Variants in PUS7 observed in about 807,000 individuals in gnomAD.
The protein encoded by PUS7 is pseudouridine synthase 7.
In PUS7, 48 loss-of-function variants were observed where a neutral mutation model predicts 79.8. The ratio of observed to expected loss-of-function variants is 0.60; its 90% confidence interval spans 0.48 to 0.76. The LOEUF is 0.76. PUS7 is among the 30% of genes least tolerant of loss of function. The probability of loss-of-function intolerance (pLI) is 0.00; values close to 1 mark genes in which losing one functional copy is unlikely to be tolerated. For synonymous variants in PUS7, 286 were observed against 272.2 expected, an observed-to-expected ratio of 1.05 and a Z score of -0.50; for missense variants, 729 against 797.6, an observed-to-expected ratio of 0.91 and a Z score of 1.04.
At position 105,457,580 on chromosome 7, in the gene PUS7, A is replaced by C. The variant is rs1288851536; in HGVS notation, c.*210T>G. The C allele has an allele frequency of 1.0e-5, 4 of 390,106 alleles. No homozygotes were observed. Among genetic ancestry groups the C allele is most frequent in the Non-Finnish European group, 1.8e-5 (4 of 223,176 alleles). The allele number at this position is 390,106 out of a possible 1,614,324, so 24.2% of individuals were successfully genotyped here. On this transcript the variant is annotated 3_prime_UTR_variant, in exon 16 of 16. Transcript: ENST00000469408. ...CTGAAGTGTATTTTGACTAATTTAT[A>C]TTCTGAGCTAAAATTAAGAACCTCA... is the stretch of plus-strand genomic sequence containing the variant.
intron 1 of PUS7, among the ~76,000 whole-genome samples, chr7:105,518,072 G>A (rs886866781): frequency 1.3e-5 from 2 of 151,878 alleles, no homozygotes; most frequent in African/African-American, 4.8e-5. Flanking sequence ...CGCTTGAACT[G>A]GGGAGACAGA....
chr7:105,516,406 T>G (rs1356742091), intron 1 of PUS7, among the ~76,000 whole-genome samples: 1 of 152,104 alleles, frequency 6.6e-6, no homozygotes, highest in African/African-American at 2.4e-5. Flanking sequence ...CTAGTGTCAT[T>G]TTCGCAAGCA....
chr7:105,520,590 C>T (rs1271316638), intron 1 of PUS7, among the ~76,000 whole-genome samples: 1 of 151,742 alleles, frequency 6.6e-6, no homozygotes, highest in African/African-American at 2.4e-5. Context: ...GGCATGGTGG[C>T]GTGCACATGT....
Position 105,462,751 on chromosome 7 carries a change from C to T in PUS7, c.1628-1G>A. ...AGCATTTCCCTGTAGGCTTCTTGAA[C>T]TAATATAAAATACAAAAAGTTAGTT... On this transcript the variant is annotated splice_acceptor_variant, in intron 13 of 15. Transcript: ENST00000469408. LOFTEE classifies it high-confidence loss of function. 4 of 1,608,046 alleles carry T rather than the reference C, an allele frequency of 2.5e-6. No individual in the cohort carries two copies. Among genetic ancestry groups the T allele is most frequent in the Non-Finnish European group, 3.4e-6 (4 of 1,178,588 alleles).
intron 10 of PUS7, among the ~76,000 whole-genome samples, chr7:105,471,538 C>T (rs2030775): frequency 0.011 from 1,691 of 152,286 alleles, 22 homozygotes; most frequent in African/African-American, 0.024. Context: ...AGAGGCTGGG[C>T]GTGGTGCTCA....
intron 1 of PUS7, among the ~76,000 whole-genome samples, chr7:105,509,016 TAA>T (rs1364100880): frequency 7.1e-6 from 1 of 140,370 alleles, no homozygotes; most frequent in Non-Finnish European, 1.6e-5. Context: ...CCATCTCTAC[TAA>T]AAATACAAAA....
intron 1 of PUS7, among the ~76,000 whole-genome samples, chr7:105,521,133 T>C (rs1020103650): frequency 7.9e-5 from 12 of 152,158 alleles, no homozygotes; most frequent in African/African-American, 2.4e-4. Flanking sequence ...CCCTTTTCAA[T>C]AGTGTTGTAC....
chr7:105,474,073 G>T (rs2133092514), intron 9 of PUS7, among the ~76,000 whole-genome samples: 1 of 152,210 alleles, frequency 6.6e-6, no homozygotes, highest in Admixed American at 6.5e-5. Context: ...TCATCTTGGA[G>T]TCATGTTTAG....
intron 6 of PUS7, among the ~76,000 whole-genome samples, chr7:105,493,479 T>C (rs960679944): frequency 1.3e-5 from 2 of 152,202 alleles, no homozygotes; most frequent in African/African-American, 2.4e-5. Context: ...AGTTAATAAA[T>C]AGAGCAAAAT....
At chr7:105,462,507 C>T (rs1823473613) in intron 14 of PUS7, 114 bp downstream of exon 14, 6 of 1,081,046 alleles carry the variant, frequency 5.6e-6, no homozygotes, top group Non-Finnish European at 8.0e-6. Flanking sequence ...ATCATATAAG[C>T]AATCTGTCAC....
At chr7:105,501,079 G>C (rs888110369) in intron 5 of PUS7, among the ~76,000 whole-genome samples, 7 of 152,136 alleles carry the variant, frequency 4.6e-5, no homozygotes, top group East Asian at 1.9e-4. Context: ...GCCTTGACTA[G>C]ATTATTTCCT....
intron 4 of PUS7, among the ~76,000 whole-genome samples, chr7:105,503,084 G>A (rs1171607020): frequency 6.6e-6 from 1 of 152,168 alleles, no homozygotes; most frequent in East Asian, 1.9e-4. Flanking sequence ...ACTGTACAAA[G>A]CACTGTGGTC....
chr7:105,465,271 G>A (rs748867536), intron 13 of PUS7, 42 bp downstream of exon 13: 2 of 1,404,450 alleles, frequency 1.4e-6, no homozygotes, highest in Non-Finnish European at 2.0e-6. Flanking sequence ...GCTTCATTAT[G>A]TTAAACTTGT....
intron 1 of PUS7, among the ~76,000 whole-genome samples, chr7:105,519,588 G>T (rs1372094650): frequency 6.6e-6 from 1 of 152,110 alleles, no homozygotes; most frequent in South Asian, 2.1e-4. Context: ...AGTCTATGAG[G>T]GTCATTCATT....
rs571530121 is a variant in PUS7 at position 105,502,572 on chromosome 7, A to G, written c.586-8T>C. 1.2e-6 allele frequency: 2 copies of G among 1,613,116 alleles called. No homozygotes were observed. The highest frequency in any genetic ancestry group is 1.3e-5 in the African/African-American group (1 of 74,958). On this transcript the variant is annotated splice_region_variant and splice_polypyrimidine_tract_variant and intron_variant, in intron 4 of 15. Coordinates refer to ENST00000469408, the MANE Select transcript of PUS7 (RefSeq NM_019042.5). ...TTTGGTGTCCTCGATAACCTATTAA[A>G]AAAAACAGATAGCAATACCACCAAG...
intron 13 of PUS7, 126 bp downstream of exon 13, chr7:105,465,187 A>G (rs977332792): frequency 7.0e-6 from 4 of 572,480 alleles, no homozygotes; most frequent in Non-Finnish European, 1.2e-5. Context: ...CTTAATTTAA[A>G]TTTTCCATGT....
At chr7:105,492,919 A>C (rs1824857444) in intron 6 of PUS7, among the ~76,000 whole-genome samples, 2 of 152,204 alleles carry the variant, frequency 1.3e-5, no homozygotes, top group South Asian at 2.1e-4. Context: ...CTAGGATTAC[A>C]GGGGTGAGCC....
At chr7:105,473,631 C>T (rs1207176121) in intron 9 of PUS7, among the ~76,000 whole-genome samples, 2 of 151,046 alleles carry the variant, frequency 1.3e-5, no homozygotes, top group African/African-American at 2.4e-5. Flanking sequence ...GTTGGCCAGA[C>T]TGGTCTTGAA....
At position 105,481,180 on chromosome 7, in the gene PUS7, A is replaced by T. The variant is rs1462126582; in HGVS notation, c.1050-3T>A. 1.9e-6 allele frequency: 3 copies of T among 1,605,162 alleles called. No homozygotes were observed. The highest frequency in any genetic ancestry group is 2.5e-6 in the Non-Finnish European group (3 of 1,176,674). The stretch of plus-strand genomic sequence containing the variant: ...GGTCATCAGTTCCTGTTATATTTCT[A>T]CAGGGACACAAATTATCCAGAGGAA... On this transcript the variant is annotated splice_region_variant and splice_polypyrimidine_tract_variant and intron_variant, in intron 8 of 15. Transcript: ENST00000469408.
Sources: gnomAD v4.1 joint callset for allele counts (sites outside exome capture counted in the v4.1 genomes callset) on GRCh38, gnomAD v4.1.1 for gene constraint, MANE v1.5 for transcripts, NCBI Gene and HGNC (gene_info 2026-07-23, HGNC 2026-07-21) for gene names.